The following POC1A variants were observed in gnomAD, a reference collection of about 807,000 sequenced individuals.
POC1A encodes POC1 centriolar protein homolog A.
Under a neutral mutation model 47.8 loss-of-function variants are expected in POC1A, and 34 were observed. The observed-to-expected ratio is 0.71, with a 90% CI of 0.54 to 0.95. The LOEUF (loss-of-function observed/expected upper bound fraction) is 0.95. Ranked by LOEUF, POC1A falls within the 40% of genes least tolerant of loss-of-function variation. The pLI, the probability that POC1A is intolerant of heterozygous loss-of-function variation, is 0.00. For synonymous variants in POC1A, 177 were observed against 207.6 expected, an observed-to-expected ratio of 0.85 and a Z score of 1.27; for missense variants, 466 against 528.3, an observed-to-expected ratio of 0.88 and a Z score of 1.16.
At chr3:52,083,665 G>A (rs1163266674) in intron 10 of POC1A, among the ~76,000 whole-genome samples, 1 of 152,144 alleles carries the variant, frequency 6.6e-6, no homozygotes, top group East Asian at 1.9e-4. Flanking sequence ...TGTGTTTGGT[G>A]AGAGGGCGAG....
At chr3:52,100,563 T>G (rs757225695) in intron 9 of POC1A, among the ~76,000 whole-genome samples, 50 of 152,126 alleles carry the variant, frequency 3.3e-4, no homozygotes, top group African/African-American at 1.2e-3. Context: ...CAGCTGTGGG[T>G]CACCTATGGC....
chr3:52,133,502 C>A (rs571414693), intron 7 of POC1A, among the ~76,000 whole-genome samples: 6 of 152,258 alleles, frequency 3.9e-5, no homozygotes, highest in African/African-American at 1.4e-4. Flanking sequence ...AGCTACCAAA[C>A]CACCCGCACG....
chr3:52,082,896 G>A (rs770790381), intron 10 of POC1A, among the ~76,000 whole-genome samples: 20 of 152,070 alleles, frequency 1.3e-4, no homozygotes, highest in African/African-American at 2.9e-4. Flanking sequence ...CCTCAGATGC[G>A]TCCTTCTCTA....
intron 9 of POC1A, among the ~76,000 whole-genome samples, chr3:52,103,453 G>T (rs9843299): frequency 0.097 from 14,756 of 152,226 alleles, 866 homozygotes; most frequent in African/African-American, 0.15. Flanking sequence ...TTGAACGTGG[G>T]AGGCAGAGGT....
intron 4 of POC1A, among the ~76,000 whole-genome samples, chr3:52,147,578 C>T (rs757530873): frequency 3.3e-5 from 5 of 151,882 alleles, no homozygotes; most frequent in African/African-American, 4.8e-5. Context: ...GGACTACAGG[C>T]GTGCACCACC....
chr3:52,148,582 T>C (rs549868775), intron 4 of POC1A, among the ~76,000 whole-genome samples: 2 of 152,258 alleles, frequency 1.3e-5, no homozygotes, highest in African/African-American at 2.4e-5. Flanking sequence ...GCCCGCTGTC[T>C]GCACAGCACT....
rs374964404 is a variant in POC1A at position 52,130,442 on chromosome 3, T to C, written c.814-5261A>G. ...GGCTCTCATGGCTGAGTGGGGCCCA[T>C]AGGAGGCCATCATAACTCCACAGAC... On this transcript the variant is annotated intron_variant, in intron 7 of 10. Transcript: ENST00000296484. 2.0e-4 allele frequency among the ~76,000 whole-genome samples: 30 copies of C among 152,308 alleles called. 1 individual carries two copies. In the South Asian group the frequency reaches 5.2e-3, roughly 26 times the overall value.
intron 4 of POC1A, 131 bp downstream of exon 4, chr3:52,149,079 A>C: frequency 1.5e-6 from 1 of 681,250 alleles, no homozygotes; most frequent in Non-Finnish European, 2.5e-6. Flanking sequence ...AGATAAGGAA[A>C]CCGAGGCTGA....
At chr3:52,089,737 G>A (rs1330768051) in intron 10 of POC1A, among the ~76,000 whole-genome samples, 1 of 152,160 alleles carries the variant, frequency 6.6e-6, no homozygotes, top group Non-Finnish European at 1.5e-5. Context: ...CTGGGTGCAC[G>A]TGGGAGGACC....
At chr3:52,131,751 G>A (rs1176768451) in intron 7 of POC1A, among the ~76,000 whole-genome samples, 2 of 152,208 alleles carry the variant, frequency 1.3e-5, no homozygotes, top group African/African-American at 4.8e-5. Context: ...TGTGTGACAA[G>A]AGAAGCCAAA....
At chr3:52,143,872 C>T (rs184797448) in intron 6 of POC1A, among the ~76,000 whole-genome samples, 278 of 152,306 alleles carry the variant, frequency 1.8e-3, no homozygotes, top group Admixed American at 2.9e-3. Context: ...TTTGGGACCC[C>T]GAGCCAGAGA....
In POC1A at chr3:52,149,836, GA is replaced by G; in HGVS notation, c.254del (p.Val85AlafsTer22). The G allele has an allele frequency of 6.2e-7, 1 of 1,613,768 alleles. No homozygotes were observed. The highest frequency in any genetic ancestry group is 8.5e-7 in the Non-Finnish European group (1 of 1,179,938). ...LLASGSRDKT[V>X]RIWVPNVKGE... ...CTCACACATTGGGTACCCAGATGCG[GA>G]CAGTCTTGTCTCGGGAGCCGGAAGC... On this transcript the variant is annotated frameshift_variant, in exon 3 of 11. Coordinates refer to ENST00000296484, the MANE Select transcript of POC1A (RefSeq NM_015426.5). LOFTEE classifies it high-confidence loss of function.
intron 10 of POC1A, among the ~76,000 whole-genome samples, chr3:52,085,080 G>A (rs1234643148): frequency 6.6e-6 from 1 of 152,194 alleles, no homozygotes; most frequent in Non-Finnish European, 1.5e-5. Context: ...GGTGAAGCCT[G>A]GGAGAGGCAG....
intron 9 of POC1A, among the ~76,000 whole-genome samples, chr3:52,100,327 T>C (rs993939243): frequency 1.3e-5 from 2 of 152,236 alleles, no homozygotes; most frequent in Non-Finnish European, 2.9e-5. Flanking sequence ...GGTCTCTGAA[T>C]TGACCGTGAT....
intron 9 of POC1A, among the ~76,000 whole-genome samples, chr3:52,111,154 T>A (rs887672879): frequency 3.3e-5 from 5 of 152,188 alleles, no homozygotes; most frequent in African/African-American, 1.2e-4. Context: ...TTCCTCAACA[T>A]CATGAACTCT....
chr3:52,100,493 A>G (rs1559819482), intron 9 of POC1A, among the ~76,000 whole-genome samples: 1 of 152,272 alleles, frequency 6.6e-6, no homozygotes, highest in Non-Finnish European at 1.5e-5. Context: ...TCACAGAGCA[A>G]CCAGTAGCCT....
In POC1A at chr3:52,084,959, C is replaced by T. The variant is rs1702411247; in HGVS notation, c.1126-8974G>A. On this transcript the variant is annotated intron_variant, in intron 10 of 10. Coordinates refer to ENST00000296484, the MANE Select transcript of POC1A (RefSeq NM_015426.5). The surrounding 1 kb of genome is among the most constrained non-coding windows in gnomAD (Gnocchi z 4.3). ...GGGGACACAGTGGCAAGGGGAGCTG[C>T]AACTGTCCTGGGTTGGCAGGTTTGC... Among the ~76,000 whole-genome samples, 1 of 152,238 alleles carries T rather than the reference C, an allele frequency of 6.6e-6. No homozygotes were observed. Among genetic ancestry groups the T allele is most frequent in the Admixed American group, 6.5e-5 (1 of 15,284 alleles).
intron 7 of POC1A, among the ~76,000 whole-genome samples, chr3:52,133,744 C>A (rs1391169321): frequency 1.3e-5 from 2 of 152,146 alleles, no homozygotes; most frequent in Admixed American, 6.5e-5. Flanking sequence ...CTTTTTCTAC[C>A]CCAAACCTCC....
At chr3:52,091,771 C>T (rs761760883) in intron 10 of POC1A, among the ~76,000 whole-genome samples, 2 of 152,226 alleles carry the variant, frequency 1.3e-5, no homozygotes, top group African/African-American at 2.4e-5. Context: ...CCCAGGAGAA[C>T]ATCGACTCAC....
Sources: gnomAD v4.1 joint callset for allele counts (sites outside exome capture counted in the v4.1 genomes callset) on GRCh38, gnomAD v4.1.1 for gene constraint, Gnocchi (gnomAD v3.1) non-coding constraint, MANE v1.5 for transcripts, NCBI Gene and HGNC (gene_info 2026-07-23, HGNC 2026-07-21) for gene names.